The following INPP4B variants were observed in gnomAD, a reference collection of about 807,000 sequenced individuals.
INPP4B encodes inositol polyphosphate 4-phosphatase type II.
INPP4B carries 55 observed loss-of-function variants against 122.5 expected under a neutral mutation model. The ratio of observed to expected loss-of-function variants is 0.45; its 90% confidence interval spans 0.36 to 0.56. The LOEUF (loss-of-function observed/expected upper bound fraction) is 0.56. Ranked by LOEUF, INPP4B falls within the 20% of genes least tolerant of loss-of-function variation. The pLI, the probability that INPP4B is intolerant of heterozygous loss-of-function variation, is 0.00. For synonymous variants in INPP4B, 403 were observed against 388.7 expected, an observed-to-expected ratio of 1.04 and a Z score of -0.43; for missense variants, 1,000 against 1,097.7, an observed-to-expected ratio of 0.91 and a Z score of 1.26.
chr4:142,054,579 C>A (rs896378177), intron 25 of INPP4B, among the ~76,000 whole-genome samples: 1 of 72,534 alleles, frequency 1.4e-5, no homozygotes, highest in African/African-American at 3.2e-5. Flanking sequence ...AAAGACAGTC[C>A]AGAGGGTCCC....
intron 2 of INPP4B, among the ~76,000 whole-genome samples, chr4:142,529,027 A>G (rs1827271341): frequency 1.3e-5 from 2 of 152,118 alleles, no homozygotes; most frequent in South Asian, 4.1e-4. Context: ...TTCTAAGGAA[A>G]TTGATAGCAA....
At chr4:142,736,549 T>G (rs1766933253) in intron 1 of INPP4B, among the ~76,000 whole-genome samples, 1 of 152,200 alleles carries the variant, frequency 6.6e-6, no homozygotes, top group Non-Finnish European at 1.5e-5. Flanking sequence ...TATTTTATTC[T>G]CTTTGAAGCA....
At chr4:142,739,863 T>C (rs1428317931) in intron 1 of INPP4B, among the ~76,000 whole-genome samples, 1 of 152,024 alleles carries the variant, frequency 6.6e-6, no homozygotes, top group Non-Finnish European at 1.5e-5. Flanking sequence ...ACTAATCACT[T>C]GGTATTTCTT....
chr4:142,329,434 G>C (rs2151514116), intron 7 of INPP4B, among the ~76,000 whole-genome samples: 1 of 152,302 alleles, frequency 6.6e-6, no homozygotes, highest in African/African-American at 2.4e-5. Context: ...GGGAACATTG[G>C]GTTTATGTTA....
At chr4:142,348,489 T>G (rs1780975615) in intron 7 of INPP4B, among the ~76,000 whole-genome samples, 1 of 152,072 alleles carries the variant, frequency 6.6e-6, no homozygotes, top group Admixed American at 6.6e-5. Flanking sequence ...GCCCCTCCAA[T>G]TCTCCCCAGA....
intron 7 of INPP4B, among the ~76,000 whole-genome samples, chr4:142,319,053 T>A (rs1579721093): frequency 1.3e-5 from 2 of 152,212 alleles, no homozygotes; most frequent in South Asian, 4.2e-4. Flanking sequence ...TAGCTGAAAA[T>A]CAGGCAATGG....
intron 2 of INPP4B, among the ~76,000 whole-genome samples, chr4:142,621,987 T>C (rs1228262453): frequency 6.6e-6 from 1 of 151,834 alleles, no homozygotes; most frequent in Admixed American, 6.6e-5. Context: ...TTAATGAAGG[T>C]TATACAGTAA....
At chr4:142,619,557 G>T (rs949992605) in intron 2 of INPP4B, among the ~76,000 whole-genome samples, 1 of 151,970 alleles carries the variant, frequency 6.6e-6, no homozygotes, top group Non-Finnish European at 1.5e-5. Context: ...TATATAAAAG[G>T]TTCAAACACA....
intron 1 of INPP4B, among the ~76,000 whole-genome samples, chr4:142,831,580 T>A (rs1311622957): frequency 6.6e-6 from 1 of 152,186 alleles, no homozygotes; most frequent in East Asian, 1.9e-4. Context: ...TTAAAGAACA[T>A]GGTACCTACA....
intron 7 of INPP4B, among the ~76,000 whole-genome samples, chr4:142,359,931 A>G (rs1390636879): frequency 1.3e-5 from 2 of 151,942 alleles, no homozygotes; most frequent in Non-Finnish European, 2.9e-5. Flanking sequence ...TTCTGTGCCC[A>G]TTTAAAAAAA....
chr4:142,661,719 T>C (rs374500858), intron 2 of INPP4B, among the ~76,000 whole-genome samples: 3 of 152,232 alleles, frequency 2.0e-5, no homozygotes, highest in Non-Finnish European at 4.4e-5. Context: ...CATTCAGATA[T>C]AGTGCACTAC....
chr4:142,767,353 A>T (rs187952155), intron 1 of INPP4B, among the ~76,000 whole-genome samples: 17 of 152,246 alleles, frequency 1.1e-4, no homozygotes, highest in African/African-American at 3.6e-4. Flanking sequence ...CAGCCAAGAC[A>T]AGTTTTAAAC....
chr4:142,695,770 C>T (rs1040506253), intron 2 of INPP4B, among the ~76,000 whole-genome samples: 16 of 152,146 alleles, frequency 1.1e-4, no homozygotes, highest in Non-Finnish European at 2.1e-4. Flanking sequence ...CACTAAGTTA[C>T]TACAATCAAA....
chr4:142,799,337 A>G (rs1054636614), intron 1 of INPP4B, among the ~76,000 whole-genome samples: 1 of 151,944 alleles, frequency 6.6e-6, no homozygotes, highest in Non-Finnish European at 1.5e-5. Context: ...TAAAAGGTAT[A>G]TATTTGTGGA....
At chr4:142,420,881 C>T (rs997752227) in intron 5 of INPP4B, among the ~76,000 whole-genome samples, 3 of 152,108 alleles carry the variant, frequency 2.0e-5, no homozygotes, top group African/African-American at 7.2e-5. Context: ...AGACTCCCTG[C>T]TCAAGGAAGT....
chr4:142,194,452 C>G (rs926719948), intron 14 of INPP4B, among the ~76,000 whole-genome samples: 1 of 152,140 alleles, frequency 6.6e-6, no homozygotes, highest in South Asian at 2.1e-4. Flanking sequence ...ATAATTACAT[C>G]TGTTCTATGT....
At chr4:142,787,461 C>A (rs1399152643) in intron 1 of INPP4B, among the ~76,000 whole-genome samples, 1 of 152,066 alleles carries the variant, frequency 6.6e-6, no homozygotes, top group African/African-American at 2.4e-5. Flanking sequence ...TACTGGATTG[C>A]CCAGCCTCTA....
intron 2 of INPP4B, among the ~76,000 whole-genome samples, chr4:142,626,762 T>C (rs976551173): frequency 6.6e-6 from 1 of 152,056 alleles, no homozygotes; most frequent in Non-Finnish European, 1.5e-5. Context: ...GTCTTTCTAC[T>C]TGAAAAATCC....
intron 2 of INPP4B, among the ~76,000 whole-genome samples, chr4:142,607,188 T>C (rs1276994894): frequency 6.6e-6 from 1 of 152,072 alleles, no homozygotes; most frequent in South Asian, 2.1e-4. Context: ...TTTAATGCTG[T>C]GTAAAATCTA....
Sources: allele counts gnomAD v4.1 joint callset (sites outside exome capture counted in the v4.1 genomes callset), GRCh38; gene constraint gnomAD v4.1.1; transcripts MANE v1.5; gene names NCBI Gene and HGNC (gene_info 2026-07-23, HGNC 2026-07-21).